The following SNRNP48 variants were observed in gnomAD, a reference collection of about 807,000 sequenced individuals.
SNRNP48 encodes the protein small nuclear ribonucleoprotein U11/U12 subunit 48, also known as U11/U12 small nuclear ribonucleoprotein 48 kDa protein.
Under a neutral mutation model 47.0 loss-of-function variants are expected in SNRNP48, and 43 were observed. That is an observed-to-expected ratio of 0.92 (90% CI 0.72 to 1.18). The LOEUF is 1.18. SNRNP48 is among the 50% of genes most tolerant of loss of function. The pLI is 0.00. For missense variants in SNRNP48, 396 were observed against 422.2 expected, an observed-to-expected ratio of 0.94 and a Z score of 0.54; for synonymous variants, 138 against 144.0, an observed-to-expected ratio of 0.96 and a Z score of 0.30.
chr6:7,590,926 C>G (rs1486429786), intron 1 of SNRNP48, among the ~76,000 whole-genome samples: 2 of 152,158 alleles, frequency 1.3e-5, no homozygotes, highest in Admixed American at 1.3e-4. Context: ...TGCAGTGAGC[C>G]GAGATCGCTC....
chr6:7,605,327 T>C (rs7747290), intron 6 of SNRNP48, 71 bp from the exon 7 acceptor site: 122,897 of 1,194,708 alleles, frequency 0.1, 8,547 homozygotes, highest in African/African-American at 0.31. Flanking sequence ...TAGCACTGAT[T>C]TTTCTAGCGT....
At position 7,602,729 on chromosome 6, in the gene SNRNP48, G is replaced by A. The variant is rs1430511084; in HGVS notation, c.702G>A (p.Lys234=). The A allele has an allele frequency of 1.3e-6, 2 of 1,582,114 alleles. No homozygotes were observed. The highest frequency in any genetic ancestry group is 1.4e-5 in the African/African-American group (1 of 72,902). ...SYRAKNVHIT[K]KSYTEVIRDV... ...GAGCCAAGAATGTTCACATAACCAA[G>A]AAATCATATACTGAGGTAAGTTTTA... Residue 234 remains lysine (K), a synonymous_variant, in exon 6 of 9, where the codon AAG becomes AAA. Transcript: ENST00000342415.
At chr6:7,608,520 G>A (rs560840271) in intron 8 of SNRNP48, among the ~76,000 whole-genome samples, 13 of 151,968 alleles carry the variant, frequency 8.6e-5, no homozygotes, top group Non-Finnish European at 1.5e-4. Flanking sequence ...TGCCATTTGC[G>A]CTCCAGCCTG....
intron 4 of SNRNP48, among the ~76,000 whole-genome samples, chr6:7,599,363 G>A (rs1018265532): frequency 2.6e-5 from 4 of 152,248 alleles, no homozygotes; most frequent in East Asian, 1.9e-4. Context: ...GTTGCACAAC[G>A]TGAATGCACT....
At chr6:7,598,947 A>C (rs181437160) in intron 4 of SNRNP48, among the ~76,000 whole-genome samples, 1 of 152,264 alleles carries the variant, frequency 6.6e-6, no homozygotes, top group African/African-American at 2.4e-5. Context: ...TTTTCTTTCA[A>C]TATTAAATAT....
At chr6:7,595,968 A>G (rs1187632748) in intron 4 of SNRNP48, among the ~76,000 whole-genome samples, 3 of 152,204 alleles carry the variant, frequency 2.0e-5, no homozygotes, top group Non-Finnish European at 4.4e-5. Flanking sequence ...TCATCCATCA[A>G]AAACATAGAC....
At chr6:7,601,930 T>A (rs1462866971) in intron 5 of SNRNP48, among the ~76,000 whole-genome samples, 1 of 152,158 alleles carries the variant, frequency 6.6e-6, no homozygotes, top group Non-Finnish European at 1.5e-5. Context: ...CTCAGTTCGT[T>A]GCAATCTCTG....
intron 4 of SNRNP48, among the ~76,000 whole-genome samples, chr6:7,597,001 T>C (rs993920082): frequency 4.6e-5 from 7 of 152,234 alleles, no homozygotes; most frequent in African/African-American, 1.7e-4. Flanking sequence ...AGAGACATGA[T>C]AAAGTTCTAG....
At chr6:7,607,284 C>G (rs1307388382) in intron 8 of SNRNP48, among the ~76,000 whole-genome samples, 3 of 152,200 alleles carry the variant, frequency 2.0e-5, no homozygotes, top group African/African-American at 7.2e-5. Context: ...CACCCCTGCA[C>G]TCCAGCCTGG....
intron 8 of SNRNP48, among the ~76,000 whole-genome samples, chr6:7,607,734 T>C (rs1044506495): frequency 6.6e-6 from 1 of 152,232 alleles, no homozygotes; most frequent in Admixed American, 6.5e-5. Flanking sequence ...AAGGTCTGTA[T>C]CTTACTTAGT....
chr6:7,606,922 T>C (rs1163427287), intron 8 of SNRNP48, among the ~76,000 whole-genome samples: 1 of 152,252 alleles, frequency 6.6e-6, no homozygotes, highest in African/African-American at 2.4e-5. Flanking sequence ...CAGTTCCTAA[T>C]GAAATGATGG....
chr6:7,594,188 AT>A, intron 3 of SNRNP48, 29 bp downstream of exon 3: 2 of 1,094,372 alleles, frequency 1.8e-6, no homozygotes, highest in South Asian at 1.7e-5. Flanking sequence ...TAATTTAAAA[AT>A]ATCTTAGTGT....
chr6:7,591,550 T>C (rs1227710794), intron 1 of SNRNP48, among the ~76,000 whole-genome samples: 1 of 152,210 alleles, frequency 6.6e-6, no homozygotes, highest in East Asian at 1.9e-4. Flanking sequence ...CAGAGGAAAT[T>C]AAAAAATCTT....
chr6:7,605,966 TCTGTGTACGTATA>T, intron 7 of SNRNP48, 52 bp from the exon 8 acceptor site: 1 of 1,481,692 alleles, frequency 6.7e-7, no homozygotes, highest in Non-Finnish European at 9.1e-7. Flanking sequence ...GACTGGTGTG[TCTGTGTACGTATA>T]CTGGAGACCA....
intron 4 of SNRNP48, among the ~76,000 whole-genome samples, chr6:7,596,867 A>G (rs1391076704): frequency 1.3e-5 from 2 of 152,192 alleles, no homozygotes; most frequent in Non-Finnish European, 2.9e-5. Flanking sequence ...AGGGTTAATA[A>G]TACTTAAAGG....
At chr6:7,596,775 C>A (rs904450908) in intron 4 of SNRNP48, among the ~76,000 whole-genome samples, 8 of 152,168 alleles carry the variant, frequency 5.3e-5, no homozygotes, top group African/African-American at 1.9e-4. Context: ...ACTAGTCAAG[C>A]CTTTTTTGGC....
Position 7,609,037 on chromosome 6 carries a change from C to T in SNRNP48, c.*164C>T. 1 of 362,970 alleles carries T rather than the reference C, an allele frequency of 2.8e-6. No individual in the cohort carries two copies. Among genetic ancestry groups the T allele is most frequent in the South Asian group, 1.2e-4 (1 of 8,188 alleles). The allele number at this position is 362,970 out of a possible 1,614,324, so 22.5% of individuals were successfully genotyped here. ...TGCTTATTATTTTCCAGTAAATATG[C>T]TTCAAACCATGAGTACACTATTAGG... On this transcript the variant is annotated 3_prime_UTR_variant, in exon 9 of 9. Transcript: ENST00000342415.
rs1418236805 is a variant in SNRNP48, at chr6:7,593,733, G to A, written c.157-1G>A. On this transcript the variant is annotated splice_acceptor_variant, in intron 1 of 8. Transcript: ENST00000342415. LOFTEE classifies it high-confidence loss of function. ...TCTTTGTTTCTGTTTGATTTTTATAGGATGAAGTTGTGATATGTCCATACG... is the reference window on the plus strand; with the variant it reads ...TCTTTGTTTCTGTTTGATTTTTATAAGATGAAGTTGTGATATGTCCATACG... The A allele has an allele frequency of 9.0e-6, 14 of 1,547,798 alleles. No homozygotes were observed. Among genetic ancestry groups the A allele is most frequent in the Non-Finnish European group, 1.2e-5 (14 of 1,149,374 alleles).
rs545466601 is a variant in SNRNP48, at chr6:7,605,527, A to G, written c.806+41A>G. On this transcript the variant is annotated intron_variant, in intron 7 of 8. Coordinates refer to ENST00000342415, the MANE Select transcript of SNRNP48 (RefSeq NM_152551.4). Reference sequence around the variant, plus strand: ...TATTGGTGAAAATACTCTCTCTTTGATAACAGATAACAATTAACTTATAAT... The same window carrying G: ...TATTGGTGAAAATACTCTCTCTTTGGTAACAGATAACAATTAACTTATAAT... 69 of 1,524,032 alleles carry G rather than the reference A, an allele frequency of 4.5e-5. 3 individuals are homozygous for G. In the South Asian group the frequency reaches 7.2e-4, roughly 16 times the overall value. The allele number at this position is 1,524,032 out of a possible 1,614,324, so 94.4% of individuals were successfully genotyped here. A position where few individuals can be genotyped will look rare whatever the true frequency, so the allele number is the denominator to read the frequency against.
Sources: gnomAD v4.1 joint callset for allele counts (sites outside exome capture counted in the v4.1 genomes callset) on GRCh38, gnomAD v4.1.1 for gene constraint, MANE v1.5 for transcripts, NCBI Gene and HGNC (gene_info 2026-07-23, HGNC 2026-07-21) for gene names.